The following KLHDC10 variants were observed in gnomAD, a reference collection of about 807,000 sequenced individuals.
KLHDC10 encodes the protein kelch domain containing 10.
Under a neutral mutation model 56.1 loss-of-function variants are expected in KLHDC10, and 24 were observed. The observed-to-expected ratio is 0.43, with a 90% CI of 0.31 to 0.60. KLHDC10 has a LOEUF of 0.60. Among genes scored for constraint, KLHDC10 ranks in the 20% least tolerant of loss-of-function variants. KLHDC10 has a pLI of 0.11. For synonymous variants in KLHDC10, 188 were observed against 207.1 expected (o/e 0.91, Z 0.79); for missense variants, 349 against 567.0 (o/e 0.62, Z 3.91).
Position 130,134,077 on chromosome 7 carries a change from C to G in KLHDC10, c.*3331C>G, listed in dbSNP as rs1196868473. ...AGTGACCTTTGGTTATCCACAGTAG[C>G]AAGAGTAAAGCACAGATCATTGAAA... On this transcript the variant is annotated 3_prime_UTR_variant, in exon 10 of 10. Transcript: ENST00000335420. 1.3e-5 allele frequency: 2 copies of G among 152,180 alleles called. No individual in the cohort carries two copies. The highest frequency in any genetic ancestry group is 4.8e-5 in the African/African-American group (2 of 41,444). 9.4% of individuals were successfully genotyped at this position (152,180 alleles called of 1,614,324 possible).
Position 130,130,930 on chromosome 7 carries a change from G to C in KLHDC10, c.*184G>C. On this transcript the variant is annotated 3_prime_UTR_variant, in exon 10 of 10. Coordinates refer to ENST00000335420, the MANE Select transcript of KLHDC10 (RefSeq NM_014997.4). This position sits in a 1 kb window ranked among gnomAD's most constrained non-coding sequence, Gnocchi z 4.2. ...TTATGGACATCTCACTTTCCCACGT[G>C]CTTCCTTCTTTGCTTCTGTTCCTCC... The C allele has an allele frequency of 3.4e-6, 2 of 584,180 alleles. No individual in the cohort carries two copies. Among genetic ancestry groups the C allele is most frequent in the East Asian group, 5.8e-5 (2 of 34,506 alleles). The allele number at this position is 584,180 out of a possible 1,614,324, so 36.2% of individuals were successfully genotyped here. A position where few individuals can be genotyped will look rare whatever the true frequency, so the allele number is the denominator to read the frequency against.
rs1305964956 is a variant in KLHDC10 at position 130,131,446 on chromosome 7, T to TA, written c.*701dup. 2 of 152,396 alleles carry TA rather than the reference T, an allele frequency of 1.3e-5. No individual in the cohort carries two copies. The highest frequency in any genetic ancestry group is 2.4e-5 in the African/African-American group (1 of 41,594). The allele number at this position is 152,396 out of a possible 1,614,324, so 9.4% of individuals were successfully genotyped here. A position where few individuals can be genotyped will look rare whatever the true frequency, so the allele number is the denominator to read the frequency against. On this transcript the variant is annotated 3_prime_UTR_variant, in exon 10 of 10. Transcript: ENST00000335420. ...GTTAGAGTTGGTTTGTCAAAAGACT[T>TA]ACGTGTGTGTCGTGGTCGTGCTCTT...
At chr7:130,079,733 T>G (rs1015231585) in intron 1 of KLHDC10, among the ~76,000 whole-genome samples, 4 of 151,046 alleles carry the variant, frequency 2.6e-5, no homozygotes, top group African/African-American at 7.3e-5. Flanking sequence ...CTGCCTTCCT[T>G]CCTTCCTTCC....
At chr7:130,099,962 G>A (rs1283566618) in intron 2 of KLHDC10, among the ~76,000 whole-genome samples, 2 of 151,992 alleles carry the variant, frequency 1.3e-5, no homozygotes, top group African/African-American at 4.8e-5. Flanking sequence ...ACAATTAGCC[G>A]GGTGTGGTGG....
In KLHDC10 at chr7:130,116,297, C is replaced by T. The variant is rs1316180584; in HGVS notation, c.254-148C>T. 6.5e-6 allele frequency: 4 copies of T among 618,032 alleles called. No homozygotes were observed. Among genetic ancestry groups the T allele is most frequent in the African/African-American group, 1.8e-5 (1 of 54,186 alleles). 38.3% of individuals were successfully genotyped at this position (618,032 alleles called of 1,614,324 possible). A position where few individuals can be genotyped will look rare whatever the true frequency, so the allele number is the denominator to read the frequency against. ...AAGAAGTATTATTAGGAAGTATATC[C>T]ATGTTATAAATCTAAACAAATAAGA... On this transcript the variant is annotated intron_variant, in intron 2 of 9. Coordinates refer to ENST00000335420, the MANE Select transcript of KLHDC10 (RefSeq NM_014997.4). The surrounding 1 kb of genome is among the most constrained non-coding windows in gnomAD (Gnocchi z 4.8).
intron 1 of KLHDC10, among the ~76,000 whole-genome samples, chr7:130,074,581 T>C (rs945307004): frequency 1.3e-5 from 2 of 152,116 alleles, no homozygotes; most frequent in Non-Finnish European, 2.9e-5. Flanking sequence ...TCTAGCCACA[T>C]TGACTCTGGA....
In KLHDC10 at chr7:130,129,634, T is replaced by C. The variant is rs1308836574; in HGVS notation, c.1119+58T>C. On this transcript the variant is annotated intron_variant, in intron 9 of 9. Transcript: ENST00000335420. Reference sequence around the variant, plus strand: ...GTTACAGATGATAAGGAAATCTTTTTAGAGATATTAGCAAGAAAAAAAGCC... The same window carrying C: ...GTTACAGATGATAAGGAAATCTTTTCAGAGATATTAGCAAGAAAAAAAGCC... The C allele has an allele frequency of 4.6e-6, 7 of 1,523,804 alleles. No individual in the cohort carries two copies. In the East Asian group the frequency reaches 1.6e-4, roughly 35 times the overall value. The allele number at this position is 1,523,804 out of a possible 1,614,324, so 94.4% of individuals were successfully genotyped here.
At chr7:130,094,106 A>C (rs1424385679) in intron 1 of KLHDC10, among the ~76,000 whole-genome samples, 1 of 151,824 alleles carries the variant, frequency 6.6e-6, no homozygotes, top group East Asian at 1.9e-4. Flanking sequence ...ATATATTTTT[A>C]GTAGAGATGG....
intron 5 of KLHDC10, among the ~76,000 whole-genome samples, chr7:130,123,517 T>C (rs1428268516): frequency 6.8e-6 from 1 of 147,378 alleles, no homozygotes; most frequent in Non-Finnish European, 1.5e-5. Flanking sequence ...CTTGAAGAGA[T>C]TTTTTTTCCC....
Position 130,120,035 on chromosome 7 carries a change from T to C in KLHDC10, c.476-714T>C, listed in dbSNP as rs1287861979. 6.6e-6 allele frequency among the ~76,000 whole-genome samples: 1 copy of C among 152,174 alleles called. No individual in the cohort carries two copies. The highest frequency in any genetic ancestry group is 2.4e-5 in the African/African-American group (1 of 41,444). On this transcript the variant is annotated intron_variant, in intron 3 of 9. Coordinates refer to ENST00000335420, the MANE Select transcript of KLHDC10 (RefSeq NM_014997.4). The surrounding 1 kb of genome is among the most constrained non-coding windows in gnomAD (Gnocchi z 5.1). Reference sequence around the variant, plus strand: ...GTTACCTGCAGGATATTGGTGTGTTTTGTTTTAATCTGGTAGAGGATTAAA... The same window carrying C: ...GTTACCTGCAGGATATTGGTGTGTTCTGTTTTAATCTGGTAGAGGATTAAA...
At chr7:130,083,060 A>ATC (rs1172303823) in intron 1 of KLHDC10, among the ~76,000 whole-genome samples, 2 of 152,042 alleles carry the variant, frequency 1.3e-5, no homozygotes, top group Non-Finnish European at 2.9e-5. Flanking sequence ...TCTAACCCAC[A>ATC]TCTCTCTCTC....
In KLHDC10 at chr7:130,116,424, A is replaced by G. The variant is rs756820882; in HGVS notation, c.254-21A>G. On this transcript the variant is annotated intron_variant, in intron 2 of 9. Transcript: ENST00000335420. The surrounding 1 kb of genome is among the most constrained non-coding windows in gnomAD (Gnocchi z 4.8). Reference sequence around the variant, plus strand: ...TTAAACTGGTAGGACACCTGTGGAAAACTGTCCTCTTCTCTCCTAGGCCAC... The same window carrying G: ...TTAAACTGGTAGGACACCTGTGGAAGACTGTCCTCTTCTCTCCTAGGCCAC... 5.8e-5 allele frequency: 93 copies of G among 1,599,532 alleles called. No homozygotes were observed. Among genetic ancestry groups the G allele is most frequent in the Admixed American group, 2.1e-4 (12 of 57,834 alleles).
Position 130,125,902 on chromosome 7 carries a change from A to G in KLHDC10, c.902A>G (p.Glu301Gly). 6.2e-7 allele frequency: 1 copy of G among 1,602,342 alleles called. No homozygotes were observed. The highest frequency in any genetic ancestry group is 8.5e-7 in the Non-Finnish European group (1 of 1,177,052). ...AYNLETNAWE[E>G]IATKPHEKIG... ...AACCTTGAAACGAATGCCTGGGAGG[A>G]AATTGCAACAAAACCCCATGAAAAA... The change falls in exon 7 of 10, where the codon GAA becomes GGA. Residue 301 changes from glutamate to glycine, a missense_variant. This residue lies in a region of KLHDC10 where 245 missense variants were observed against 470.1 expected (regional missense o/e 0.52). Coordinates refer to ENST00000335420, the MANE Select transcript of KLHDC10 (RefSeq NM_014997.4).
chr7:130,111,366 G>A (rs892127644), intron 2 of KLHDC10, among the ~76,000 whole-genome samples: 2 of 152,078 alleles, frequency 1.3e-5, no homozygotes, highest in Admixed American at 6.6e-5. Flanking sequence ...AATAGATGCC[G>A]TAAACAAAAG....
At chr7:130,078,537 G>C (rs1795549417) in intron 1 of KLHDC10, among the ~76,000 whole-genome samples, 1 of 151,092 alleles carries the variant, frequency 6.6e-6, no homozygotes, top group Admixed American at 6.6e-5. Flanking sequence ...CTCTTTTTTT[G>C]AGACAGAGTC....
chr7:130,107,867 AGAG>A (rs1240067807), intron 2 of KLHDC10, among the ~76,000 whole-genome samples: 3 of 141,636 alleles, frequency 2.1e-5, no homozygotes, highest in East Asian at 4.1e-4. Context: ...AAAAAAAAAA[AGAG>A]CCGGACGCGG....
chr7:130,078,954 C>T (rs769903342), intron 1 of KLHDC10, among the ~76,000 whole-genome samples: 7 of 152,194 alleles, frequency 4.6e-5, no homozygotes, highest in Non-Finnish European at 1.0e-4. Context: ...TTAATGCTTT[C>T]CTATTAAGAT....
At position 130,131,485 on chromosome 7, in the gene KLHDC10, A is replaced by G. The variant is rs143454731; in HGVS notation, c.*739A>G. The G allele has an allele frequency of 7.6e-4, 116 of 152,364 alleles. No individual in the cohort carries two copies. Among genetic ancestry groups the G allele is most frequent in the African/African-American group, 2.4e-3 (98 of 41,590 alleles). 9.4% of individuals were successfully genotyped at this position (152,364 alleles called of 1,614,324 possible). The stretch of plus-strand genomic sequence containing the variant: ...GGTCGTGCTCTTTGTTGTTGCTCTT[A>G]GAAATTATGGCACCAAGAATGTTTC... On this transcript the variant is annotated 3_prime_UTR_variant, in exon 10 of 10. Transcript: ENST00000335420.
At chr7:130,081,833 G>T (rs77475714) in intron 1 of KLHDC10, among the ~76,000 whole-genome samples, 2 of 151,948 alleles carry the variant, frequency 1.3e-5, no homozygotes, top group Non-Finnish European at 1.5e-5. Flanking sequence ...TCATTTCTGC[G>T]TTGGTTTTAT....
Sources: allele counts gnomAD v4.1 joint callset (sites outside exome capture counted in the v4.1 genomes callset), GRCh38; gene constraint gnomAD v4.1.1; regional missense constraint gnomAD v4.1.1; non-coding constraint Gnocchi (gnomAD v3.1); transcripts MANE v1.5; gene names NCBI Gene and HGNC (gene_info 2026-07-23, HGNC 2026-07-21).